Variants in FOXN3 observed in about 807,000 individuals in gnomAD.
FOXN3 encodes forkhead box N3.
A neutral mutation model predicts 38.4 loss-of-function variants in FOXN3; 7 were observed. The ratio of observed to expected loss-of-function variants is 0.18; its 90% CI spans 0.10 to 0.34. The LOEUF (loss-of-function observed/expected upper bound fraction) is 0.34. Ranked by LOEUF, FOXN3 falls within the 10% of genes least tolerant of loss-of-function variation. FOXN3 has a pLI of 1.00. For missense variants in FOXN3, 456 were observed against 613.4 expected, an observed-to-expected ratio of 0.74 and a Z score of 2.71; for synonymous variants, 230 against 242.2, an observed-to-expected ratio of 0.95 and a Z score of 0.47.
chr14:89,480,586 G>GA (rs935764391), intron 1 of FOXN3, among the ~76,000 whole-genome samples: 20 of 145,172 alleles, frequency 1.4e-4, no homozygotes, highest in South Asian at 4.3e-4. Context: ...CATTCAGAGG[G>GA]AAAAAAAAAA....
At chr14:89,594,851 A>C (rs1198922888) in intron 1 of FOXN3, among the ~76,000 whole-genome samples, 1 of 152,086 alleles carries the variant, frequency 6.6e-6, no homozygotes, top group Admixed American at 6.6e-5. Context: ...CAGCCTAGGC[A>C]ACAAAGTGAG....
In FOXN3 at chr14:89,561,166, C is replaced by T. The variant is rs1035545581; in HGVS notation, c.-15+57862G>A. On this transcript the variant is annotated intron_variant, in intron 1 of 6. Coordinates refer to the FOXN3 transcript ENST00000345097. The stretch of plus-strand genomic sequence containing the variant: ...TCCGTGATAAAAGCGTGAGGCCCCA[C>T]GGTGGCCTCGGCACATCTTCAAAGG... Among the ~76,000 whole-genome samples, 25 of 152,280 alleles carry T rather than the reference C, an allele frequency of 1.6e-4. No individual in the cohort carries two copies. The East Asian group carries it at 3.9e-3, about 23-fold the overall frequency.
At chr14:89,583,115 G>A (rs1895776895) in intron 1 of FOXN3, among the ~76,000 whole-genome samples, 1 of 152,162 alleles carries the variant, frequency 6.6e-6, no homozygotes, top group Admixed American at 6.5e-5. Context: ...ATTTCTCTTA[G>A]ACTGGCATTC....
At chr14:89,363,947 A>AATATATATATATATATATATATTAT (rs1889986077) in intron 2 of FOXN3, among the ~76,000 whole-genome samples, 1 of 111,400 alleles carries the variant, frequency 9.0e-6, no homozygotes, top group Non-Finnish European at 1.7e-5. Context: ...CTGTCTGTAA[A>AATATATATATATATATATATATTAT]ATATATATAT....
intron 1 of FOXN3, among the ~76,000 whole-genome samples, chr14:89,562,494 A>C (rs1419513541): frequency 6.6e-6 from 1 of 152,104 alleles, no homozygotes; most frequent in Non-Finnish European, 1.5e-5. Flanking sequence ...TCCTGACCTC[A>C]AATGATCCAC....
At chr14:89,466,429 C>A (rs568703675) in intron 1 of FOXN3, among the ~76,000 whole-genome samples, 72 of 152,250 alleles carry the variant, frequency 4.7e-4, no homozygotes, top group African/African-American at 1.7e-3. Flanking sequence ...TTTTTCGTGC[C>A]AGTTGCTTTC....
intron 1 of FOXN3, among the ~76,000 whole-genome samples, chr14:89,489,496 T>C (rs56178524): frequency 0.063 from 9,527 of 152,252 alleles, 399 homozygotes; most frequent in Middle Eastern, 0.16. Flanking sequence ...CCAAAAAGCA[T>C]TTCAAGGTAA....
intron 3 of FOXN3, among the ~76,000 whole-genome samples, chr14:89,289,510 C>T (rs571651945): frequency 3.0e-4 from 45 of 152,276 alleles, no homozygotes; most frequent in South Asian, 6.2e-4. Context: ...TGTTTCCTCC[C>T]ATCAATCTGT....
chr14:89,397,442 A>C (rs1050707782), intron 2 of FOXN3, among the ~76,000 whole-genome samples: 1 of 73,524 alleles, frequency 1.4e-5, no homozygotes, highest in South Asian at 6.7e-4. Context: ...AATAAAAGTT[A>C]AAAAAAAAAA....
At chr14:89,411,166 C>CT (rs1338525426) in intron 2 of FOXN3, among the ~76,000 whole-genome samples, 5 of 152,322 alleles carry the variant, frequency 3.3e-5, no homozygotes, top group Non-Finnish European at 5.9e-5. Flanking sequence ...TTGCGTGCTT[C>CT]TTATGAGAAT....
intron 4 of FOXN3, among the ~76,000 whole-genome samples, chr14:89,240,202 T>C (rs1885100235): frequency 6.6e-6 from 1 of 152,028 alleles, no homozygotes; most frequent in Non-Finnish European, 1.5e-5. Flanking sequence ...ATCAGATCAC[T>C]TTCCCCAGAA....
intron 1 of FOXN3, among the ~76,000 whole-genome samples, chr14:89,549,702 C>T (rs1172962580): frequency 6.6e-6 from 1 of 152,174 alleles, no homozygotes; most frequent in Non-Finnish European, 1.5e-5. Context: ...ATAACAGAAT[C>T]GGTATTTCTT....
intron 4 of FOXN3, among the ~76,000 whole-genome samples, chr14:89,277,492 A>G (rs866295636): frequency 1.3e-5 from 2 of 152,178 alleles, no homozygotes; most frequent in African/African-American, 4.8e-5. Context: ...GAAATGACCA[A>G]TTATGTTAAG....
chr14:89,571,482 C>A (rs1426157269), intron 1 of FOXN3, among the ~76,000 whole-genome samples: 1 of 149,432 alleles, frequency 6.7e-6, no homozygotes, highest in African/African-American at 2.5e-5. Context: ...ACACTCCAGC[C>A]TGGGCAGGAG....
At chr14:89,279,974 T>G (rs1213356742) in intron 4 of FOXN3, among the ~76,000 whole-genome samples, 1 of 152,168 alleles carries the variant, frequency 6.6e-6, no homozygotes, top group Non-Finnish European at 1.5e-5. Context: ...CCTCTACTTC[T>G]AAGGGAAAGA....
chr14:89,485,947 A>T (rs1893435451), intron 1 of FOXN3, among the ~76,000 whole-genome samples: 1 of 152,060 alleles, frequency 6.6e-6, no homozygotes. Flanking sequence ...TGGTCCATGA[A>T]TTCTTCCCTA....
chr14:89,238,035 C>T (rs969235083), intron 4 of FOXN3, among the ~76,000 whole-genome samples: 5 of 152,236 alleles, frequency 3.3e-5, no homozygotes, highest in Non-Finnish European at 5.9e-5. Context: ...TTCCAACTAC[C>T]TAAGTTCTCT....
intron 1 of FOXN3, among the ~76,000 whole-genome samples, chr14:89,436,093 G>A (rs564892379): frequency 3.3e-5 from 5 of 150,292 alleles, no homozygotes; most frequent in South Asian, 4.2e-4. Flanking sequence ...CTCCTGCCTC[G>A]GCCTCCCAAA....
At chr14:89,451,157 C>G (rs975212780) in intron 1 of FOXN3, among the ~76,000 whole-genome samples, 5 of 152,072 alleles carry the variant, frequency 3.3e-5, no homozygotes, top group Admixed American at 6.6e-5. Context: ...GAAAGAAAAG[C>G]CAATGTTGAC....
Sources: gnomAD v4.1 joint callset for allele counts (sites outside exome capture counted in the v4.1 genomes callset) on GRCh38, gnomAD v4.1.1 for gene constraint, MANE v1.5 for transcripts, NCBI Gene and HGNC (gene_info 2026-07-23, HGNC 2026-07-21) for gene names.